Variants in UAP1L1 observed in about 807,000 individuals in gnomAD.
UAP1L1 encodes UDP-N-acetylhexosamine pyrophosphorylase-like protein 1.
A neutral mutation model predicts 45.3 loss-of-function variants in UAP1L1; 45 were observed. The observed-to-expected ratio is 0.99, with a 90% CI of 0.78 to 1.27. The LOEUF is 1.27. Ranked by LOEUF, UAP1L1 falls within the 50% of genes most tolerant of loss-of-function variation. UAP1L1 has a pLI of 0.00. For missense variants in UAP1L1, 667 were observed against 694.0 expected (o/e 0.96, Z 0.44); for synonymous variants, 323 against 303.9 (o/e 1.06, Z -0.65).
Position 137,082,341 on chromosome 9 carries a change from G to A in UAP1L1, c.1431+277G>A, listed in dbSNP as rs1173523636. 8.3e-6 allele frequency: 5 copies of A among 599,214 alleles called. No homozygotes were observed. Among genetic ancestry groups the A allele is most frequent in the Non-Finnish European group, 1.5e-5 (5 of 337,714 alleles). The allele number at this position is 599,214 out of a possible 1,614,324, so 37.1% of individuals were successfully genotyped here. On this transcript the variant is annotated intron_variant, in intron 8 of 8. Transcript: ENST00000409858. The surrounding 1 kb of genome is among the most constrained non-coding windows in gnomAD (Gnocchi z 5.7). ...GGCCTTGGTGGGGGCCTTGCGGAGG[G>A]AGGACACCGGCCTCTGCTACCTCCC...
At position 137,077,696 on chromosome 9, in the gene UAP1L1, A is replaced by C. The variant is rs1476426643; in HGVS notation, c.164A>C (p.Glu55Ala). 43 of 1,143,584 alleles carry C rather than the reference A, an allele frequency of 3.8e-5. No homozygotes were observed. In the Middle Eastern group the frequency reaches 2.6e-3, roughly 68 times the overall value. 70.8% of individuals were successfully genotyped at this position (1,143,584 alleles called of 1,614,324 possible). A position where few individuals can be genotyped will look rare whatever the true frequency, so the allele number is the denominator to read the frequency against. ...ALREHCRRAA[E>A]ACARPHGPPP... The stretch of plus-strand genomic sequence containing the variant: ...CGCGAGCACTGCCGGCGGGCGGCGG[A>C]GGCCTGCGCGCGCCCCCACGGCCCG... Residue 55 changes from glutamate to alanine, a missense_variant, in exon 1 of 9, where the codon GAG (glutamate) becomes GCG (alanine). Coordinates refer to ENST00000409858, the MANE Select transcript of UAP1L1 (RefSeq NM_207309.3). The surrounding 1 kb of genome is among the most constrained non-coding windows in gnomAD (Gnocchi z 4.7).
Position 137,083,068 on chromosome 9 carries a change from C to T in UAP1L1, c.*339C>T, listed in dbSNP as rs939592640. The T allele has an allele frequency of 1.7e-5, 5 of 291,006 alleles. No homozygotes were observed. Among genetic ancestry groups the T allele is most frequent in the Non-Finnish European group, 3.4e-5 (5 of 146,272 alleles). 18.0% of individuals were successfully genotyped at this position (291,006 alleles called of 1,614,324 possible). On this transcript the variant is annotated 3_prime_UTR_variant, in exon 9 of 9. Coordinates refer to ENST00000409858, the MANE Select transcript of UAP1L1 (RefSeq NM_207309.3). ...GGAGAATGGGGCTGAGAGGAGGCTT[C>T]GGGTTGGGGCCCAAGGGAGGTGTGG...
chr9:137,080,060 G>A lies in UAP1L1; in HGVS notation c.1096G>A (p.Glu366Lys). 3 of 1,614,196 alleles carry A rather than the reference G, an allele frequency of 1.9e-6. No homozygotes were observed. The highest frequency in any genetic ancestry group is 1.3e-5 in the African/African-American group (1 of 75,082). Residue 366 changes from glutamate (E) to lysine (K), a missense_variant, in exon 6 of 9, where the codon GAG (glutamate) becomes AAG (lysine). By Grantham distance (56) the Glu-to-Lys change is moderately conservative. Transcript: ENST00000409858. Reference protein sequence around the residue: ...VAVKKVPYVDEEGNLVKPLKP... With the variant: ...VAVKKVPYVDKEGNLVKPLKP... ...TGTGAAGAAGGTCCCGTATGTGGAT[G>A]AGGAGGGGAATCTGGTAAAGCCGCT...
At chr9:137,080,992 G>T in intron 7 of UAP1L1, 118 bp downstream of exon 7, 3 of 1,058,366 alleles carry the variant, frequency 2.8e-6, no homozygotes, top group South Asian at 1.7e-5. Context: ...CTTCCTTCCC[G>T]GCACCACCGC....
rs1157136042 is a variant in UAP1L1, at chr9:137,083,302, T to C, written c.*573T>C. Reference sequence around the variant, plus strand: ...GACGAACCAGTAATGGGGGCAAGGCTGGGGCATCCCAGCCCACACACCCTG... The same window carrying C: ...GACGAACCAGTAATGGGGGCAAGGCCGGGGCATCCCAGCCCACACACCCTG... On this transcript the variant is annotated 3_prime_UTR_variant, in exon 9 of 9. Transcript: ENST00000409858. 5 of 152,768 alleles carry C rather than the reference T, an allele frequency of 3.3e-5. No individual in the cohort carries two copies. Among genetic ancestry groups the C allele is most frequent in the African/African-American group, 9.6e-5 (4 of 41,456 alleles). 9.5% of individuals were successfully genotyped at this position (152,768 alleles called of 1,614,324 possible).
At chr9:137,080,270 A>G in intron 6 of UAP1L1, 128 bp downstream of exon 6, 14 of 1,224,424 alleles carry the variant, frequency 1.1e-5, no homozygotes, top group Non-Finnish European at 1.3e-5. Context: ...AGTCTCAGGG[A>G]GAAGACCAGA....
chr9:137,080,989 C>T (rs1832780338), intron 7 of UAP1L1, 115 bp downstream of exon 7: 1 of 1,073,268 alleles, frequency 9.3e-7, no homozygotes, highest in Non-Finnish European at 1.3e-6. Flanking sequence ...GGTCTTCCTT[C>T]CCGGCACCAC....
chr9:137,080,672 A>T lies in UAP1L1; in HGVS notation c.1179-17A>T. The T allele has an allele frequency of 7.5e-6, 12 of 1,599,900 alleles. No homozygotes were observed. The highest frequency in any genetic ancestry group is 9.4e-6 in the Non-Finnish European group (11 of 1,172,430). ...CCTCTGTGCTGGGACGTGGGTGACT[A>T]GCCCTTTCCCCACCAGGAACTTTGC... On this transcript the variant is annotated splice_polypyrimidine_tract_variant and intron_variant, in intron 6 of 8. Coordinates refer to ENST00000409858, the MANE Select transcript of UAP1L1 (RefSeq NM_207309.3).
Position 137,079,303 on chromosome 9 carries a change from G to T in UAP1L1, c.891G>T (p.Gln297His). ...YPEEPVGVVC[Q>H]VDGVPQVVEY... ...AGGAGCCCGTGGGCGTGGTGTGCCA[G>T]GTGGACGGTGTCCCCCAGGTGGTGG... Residue 297 changes from glutamine to histidine, a missense_variant, in exon 5 of 9, where the codon CAG becomes CAT. Physicochemically the swap from Gln to His is conservative, Grantham distance 24 (BLOSUM62 0). Transcript: ENST00000409858. 1.9e-6 allele frequency: 3 copies of T among 1,612,990 alleles called. No individual in the cohort carries two copies. Among genetic ancestry groups the T allele is most frequent in the Non-Finnish European group, 2.5e-6 (3 of 1,179,716 alleles).
chr9:137,079,076 C>T lies in UAP1L1; in HGVS notation c.771C>T (p.Asn257=). Residue 257 remains asparagine (N), a synonymous_variant, in exon 4 of 9, where the codon AAC becomes AAT. Transcript: ENST00000409858. The stretch of plus-strand genomic sequence containing the variant: ...TTGTGCACGTGTACTGTGTGGACAA[C>T]ATCCTGGTGCGGCTGGCGGACCCTG... ...VEFVHVYCVD[N]ILVRLADPVF... The T allele has an allele frequency of 6.2e-7, 1 of 1,610,750 alleles. No homozygotes were observed. The highest frequency in any genetic ancestry group is 1.3e-5 in the African/African-American group (1 of 74,920).
rs1202330244 is a variant in UAP1L1, at chr9:137,083,737, C to T, written c.*1008C>T. The T allele has an allele frequency of 6.6e-6, 1 of 152,250 alleles. No homozygotes were observed. The highest frequency in any genetic ancestry group is 6.5e-5 in the Admixed American group (1 of 15,284). The allele number at this position is 152,250 out of a possible 1,614,324, so 9.4% of individuals were successfully genotyped here. ...AGGGTTCTTCCCCTGGTGATTCTCG[C>T]CTGCTTTCTCATCTCAGGGGAGGCA... On this transcript the variant is annotated 3_prime_UTR_variant, in exon 9 of 9. Transcript: ENST00000409858.
intron 7 of UAP1L1, among the ~76,000 whole-genome samples, chr9:137,081,712 G>A (rs560943652): frequency 2.6e-5 from 4 of 152,268 alleles, no homozygotes; most frequent in South Asian, 2.1e-4. Context: ...AGAAAAGGAC[G>A]TTTGGCTTCC....
At position 137,078,738 on chromosome 9, in the gene UAP1L1, G is replaced by A. The variant is rs1832738064; in HGVS notation, c.670+61G>A. ...AGACTAGAACTGGGAGCGTAGTTGG[G>A]GGTCCACGCGCCCGGGTTCGCGGCT... On this transcript the variant is annotated intron_variant, in intron 3 of 8. Coordinates refer to ENST00000409858, the MANE Select transcript of UAP1L1 (RefSeq NM_207309.3). 5.2e-6 allele frequency: 8 copies of A among 1,529,034 alleles called. No individual in the cohort carries two copies. The East Asian group carries it at 9.3e-5, about 18-fold the overall frequency. The allele number at this position is 1,529,034 out of a possible 1,614,324, so 94.7% of individuals were successfully genotyped here. A position where few individuals can be genotyped will look rare whatever the true frequency, so the allele number is the denominator to read the frequency against.
intron 2 of UAP1L1, 83 bp downstream of exon 2, chr9:137,078,337 C>T (rs1159806888): frequency 1.3e-6 from 2 of 1,534,566 alleles, no homozygotes; most frequent in Middle Eastern, 1.7e-4. Context: ...CGAGCCCCAA[C>T]CCCGGCACAG....
In UAP1L1 at chr9:137,082,237, G is replaced by A; in HGVS notation, c.1431+173G>A. 1.5e-6 allele frequency: 1 copy of A among 672,350 alleles called. No homozygotes were observed. Among genetic ancestry groups the A allele is most frequent in the South Asian group, 1.8e-5 (1 of 56,684 alleles). 41.6% of individuals were successfully genotyped at this position (672,350 alleles called of 1,614,324 possible). On this transcript the variant is annotated intron_variant, in intron 8 of 8. Transcript: ENST00000409858. The surrounding 1 kb of genome is among the most constrained non-coding windows in gnomAD (Gnocchi z 5.7). Reference sequence around the variant, plus strand: ...AAGATATGGGTTGGGGTGGGGTGAGGCATCCAGAGGCCTTTGCAGGTCCTG... The same window carrying A: ...AAGATATGGGTTGGGGTGGGGTGAGACATCCAGAGGCCTTTGCAGGTCCTG...
rs1364767991 is a variant in UAP1L1 at position 137,082,425 on chromosome 9, G to A, written c.1432-212G>A. Reference sequence around the variant, plus strand: ...AGGTCAGACCTGTGCGTGACAGGAGGGTCCCCTGCTGGCCTAGGGTCTTGA... The same window carrying A: ...AGGTCAGACCTGTGCGTGACAGGAGAGTCCCCTGCTGGCCTAGGGTCTTGA... On this transcript the variant is annotated intron_variant, in intron 8 of 8. Coordinates refer to ENST00000409858, the MANE Select transcript of UAP1L1 (RefSeq NM_207309.3). This position sits in a 1 kb window ranked among gnomAD's most constrained non-coding sequence, Gnocchi z 5.7. 3 of 592,840 alleles carry A rather than the reference G, an allele frequency of 5.1e-6. No individual in the cohort carries two copies. The highest frequency in any genetic ancestry group is 3.7e-5 in the African/African-American group (2 of 53,708). 36.7% of individuals were successfully genotyped at this position (592,840 alleles called of 1,614,324 possible).
Position 137,082,889 on chromosome 9 carries a change from C to T in UAP1L1, c.*160C>T. On this transcript the variant is annotated 3_prime_UTR_variant, in exon 9 of 9. Transcript: ENST00000409858. The surrounding 1 kb of genome is among the most constrained non-coding windows in gnomAD (Gnocchi z 5.7). ...AAGCAGCCTGCCCCATGCTTCCAGC[C>T]TGCAGAACACAGAATGAAACATGCT... 6.5e-6 allele frequency: 4 copies of T among 612,070 alleles called. No homozygotes were observed. In the South Asian group the frequency reaches 7.4e-5, roughly 11 times the overall value. 37.9% of individuals were successfully genotyped at this position (612,070 alleles called of 1,614,324 possible).
chr9:137,084,014 AC>A lies in UAP1L1; in HGVS notation c.*1287del, dbSNP rs943782974. On this transcript the variant is annotated 3_prime_UTR_variant, in exon 9 of 9. Coordinates refer to ENST00000409858, the MANE Select transcript of UAP1L1 (RefSeq NM_207309.3). ...GGGCAGGCAGCAGGCTCAGGCCCAC[AC>A]CTTGTGATTTTTGAAACCAAAGCCC... 3.9e-5 allele frequency: 6 copies of A among 152,576 alleles called. No individual in the cohort carries two copies. The highest frequency in any genetic ancestry group is 7.2e-5 in the African/African-American group (3 of 41,436). The allele number at this position is 152,576 out of a possible 1,614,324, so 9.5% of individuals were successfully genotyped here.
rs892045763 is a variant in UAP1L1 at position 137,077,645 on chromosome 9, TGGCGCTGCTGGAGCCCGA to T, written c.122_139del (p.Leu41_Leu46del). The T allele has an allele frequency of 7.7e-7, 1 of 1,304,866 alleles. No homozygotes were observed. The highest frequency in any genetic ancestry group is 1.6e-5 in the African/African-American group (1 of 64,006). The allele number at this position is 1,304,866 out of a possible 1,614,324, so 80.8% of individuals were successfully genotyped here. On this transcript the variant is annotated inframe_deletion, in exon 1 of 9. Coordinates refer to ENST00000409858, the MANE Select transcript of UAP1L1 (RefSeq NM_207309.3). The surrounding 1 kb of genome is among the most constrained non-coding windows in gnomAD (Gnocchi z 4.7). ...CCACGAGCCGCGCTGCTGGCGGAGC[TGGCGCTGCTGGAGCCCGA>T]GGCGCTGCGCGAGCACTGCCGGCGG...
Sources: gnomAD v4.1 joint callset for allele counts (sites outside exome capture counted in the v4.1 genomes callset) on GRCh38, gnomAD v4.1.1 for gene constraint, Gnocchi (gnomAD v3.1) non-coding constraint, MANE v1.5 for transcripts, NCBI Gene and HGNC (gene_info 2026-07-23, HGNC 2026-07-21) for gene names.